The following MEGF9 variants were observed in gnomAD, a reference collection of about 807,000 sequenced individuals.
MEGF9 encodes multiple epidermal growth factor-like domains protein 9.
Under a neutral mutation model 46.8 loss-of-function variants are expected in MEGF9, and 6 were observed. The observed-to-expected ratio is 0.13, with a 90% CI of 0.07 to 0.25. MEGF9 has a LOEUF of 0.25. Ranked by LOEUF, MEGF9 falls within the 10% of genes least tolerant of loss-of-function variation. The pLI is 1.00. For synonymous variants in MEGF9, 302 were observed against 330.7 expected (o/e 0.91, Z 0.94); for missense variants, 683 against 792.4 (o/e 0.86, Z 1.66).
Position 120,605,432 on chromosome 9 carries a change from T to C in MEGF9, c.1567A>G (p.Ile523Val). ...FNIIILTVII[I>V]VVVLLMGFVG... is the part of the protein sequence containing the mutation. ...AATCCCATTAGCAGCACCACAACAA[T>C]GATGATGACTGTCAAAATGATGATG... The change falls in exon 6 of 6, where the codon ATT becomes GTT. Residue 523 changes from isoleucine (I) to valine (V), a missense_variant. Around this residue, in one of 2 missense-constraint regions of MEGF9, gnomAD observed 313 missense variants for 421.1 expected, o/e 0.74. Transcript: ENST00000373930. The surrounding 1 kb of genome is among the most constrained non-coding windows in gnomAD (Gnocchi z 4.0). 1.2e-6 allele frequency: 2 copies of C among 1,614,028 alleles called. No homozygotes were observed. The highest frequency in any genetic ancestry group is 2.7e-5 in the African/African-American group (2 of 75,054).
At chr9:120,627,288 G>T (rs182652666) in intron 2 of MEGF9, among the ~76,000 whole-genome samples, 1 of 152,058 alleles carries the variant, frequency 6.6e-6, no homozygotes, top group African/African-American at 2.4e-5. Flanking sequence ...ACTAGTTAAT[G>T]ATTTATTTCT....
intron 2 of MEGF9, among the ~76,000 whole-genome samples, chr9:120,644,030 T>C (rs2043615577): frequency 6.6e-6 from 1 of 152,236 alleles, no homozygotes; most frequent in African/African-American, 2.4e-5. Context: ...TTTAACTTCG[T>C]ATGTAATCAG....
chr9:120,691,805 A>G (rs1056595892), intron 1 of MEGF9, among the ~76,000 whole-genome samples: 3 of 152,214 alleles, frequency 2.0e-5, no homozygotes, highest in African/African-American at 7.2e-5. Context: ...GGATACTTCA[A>G]GGCTGAACAT....
rs181837188 is a variant in MEGF9, at chr9:120,663,466, T to C, written c.602-3891A>G. On this transcript the variant is annotated intron_variant, in intron 1 of 5. Transcript: ENST00000373930. ...TAATGCAGAAATAATGCAATCCCCTTAGTAAAAAGGTGGCAATATGAAAAA... is the reference window on the plus strand; with the variant it reads ...TAATGCAGAAATAATGCAATCCCCTCAGTAAAAAGGTGGCAATATGAAAAA... Among the ~76,000 whole-genome samples, 219 of 152,210 alleles carry C rather than the reference T, an allele frequency of 1.4e-3. 1 individual carries two copies. Among genetic ancestry groups the C allele is most frequent in the African/African-American group, 5.0e-3 (209 of 41,516 alleles).
chr9:120,642,398 C>T (rs1051712041), intron 2 of MEGF9, among the ~76,000 whole-genome samples: 2 of 152,168 alleles, frequency 1.3e-5, no homozygotes, highest in African/African-American at 4.8e-5. Context: ...GACTTGGAGC[C>T]GGACAGATCT....
intron 2 of MEGF9, among the ~76,000 whole-genome samples, chr9:120,653,265 CCTTCCTTATAAAGA>C (rs2043661559): frequency 6.6e-6 from 1 of 152,034 alleles, no homozygotes. Flanking sequence ...AGCTCCTAAG[CCTTCCTTATAAAGA>C]CTTCCTTTAA....
chr9:120,619,842 T>C (rs189422679), intron 3 of MEGF9, among the ~76,000 whole-genome samples: 10 of 152,316 alleles, frequency 6.6e-5, no homozygotes, highest in Admixed American at 5.2e-4. Context: ...AAAGAGTACT[T>C]TGAAAATCTA....
At chr9:120,711,844 T>TACATACACACACACACACAC (rs1483546554) in intron 1 of MEGF9, among the ~76,000 whole-genome samples, 2 of 143,472 alleles carry the variant, frequency 1.4e-5, no homozygotes, top group African/African-American at 5.2e-5. Flanking sequence ...CATACATACA[T>TACATACACACACACACACAC]ACACACACAC....
rs143560909 is a variant in MEGF9, at chr9:120,609,002, C to T, written c.1088-992G>A. On this transcript the variant is annotated intron_variant, in intron 4 of 5. Transcript: ENST00000373930. Reference sequence around the variant, plus strand: ...TGGTTCTTTTTATCACAATGCACCCCTACATTCACTTTGAACTTCAAAGTA... The same window carrying T: ...TGGTTCTTTTTATCACAATGCACCCTTACATTCACTTTGAACTTCAAAGTA... Among the ~76,000 whole-genome samples the T allele has an allele frequency of 1.1e-3, 174 of 152,260 alleles. 3 individuals are homozygous for T. The East Asian group carries it at 0.029, about 26-fold the overall frequency.
intron 1 of MEGF9, among the ~76,000 whole-genome samples, chr9:120,662,676 C>T (rs1193585662): frequency 6.6e-6 from 1 of 152,114 alleles, no homozygotes; most frequent in Non-Finnish European, 1.5e-5. Flanking sequence ...TGGAGTATTG[C>T]AATAATTAAT....
intron 5 of MEGF9, 119 bp downstream of exon 5, chr9:120,607,622 A>G (rs2132296926): frequency 9.2e-7 from 1 of 1,088,494 alleles, no homozygotes. Flanking sequence ...TTAGGCAAAT[A>G]TCTATCAAAA....
intron 3 of MEGF9, among the ~76,000 whole-genome samples, chr9:120,615,119 A>T (rs1264023334): frequency 1.3e-5 from 2 of 151,728 alleles, no homozygotes; most frequent in Non-Finnish European, 2.9e-5. Context: ...CATGCCTGTA[A>T]TCCCAGCTAC....
In MEGF9 at chr9:120,601,771, G is replaced by C. The variant is rs2043397144; in HGVS notation, c.*3419C>G. 6.6e-6 allele frequency: 1 copy of C among 152,126 alleles called. No individual in the cohort carries two copies. The highest frequency in any genetic ancestry group is 2.4e-5 in the African/African-American group (1 of 41,420). 9.4% of individuals were successfully genotyped at this position (152,126 alleles called of 1,614,324 possible). A position where few individuals can be genotyped will look rare whatever the true frequency, so the allele number is the denominator to read the frequency against. ...TTCCATTAATAAAAGAACCCTAGGG[G>C]ATAGAGGGTAGAGGGAGCGAGAGGG... On this transcript the variant is annotated 3_prime_UTR_variant, in exon 6 of 6. Transcript: ENST00000373930.
chr9:120,702,752 G>A (rs1158093940), intron 1 of MEGF9, among the ~76,000 whole-genome samples: 3 of 152,178 alleles, frequency 2.0e-5, no homozygotes, highest in African/African-American at 7.2e-5. Context: ...GGTGAGAGGT[G>A]AGAGTTGGGT....
intron 2 of MEGF9, among the ~76,000 whole-genome samples, chr9:120,634,419 C>A (rs1356148821): frequency 1.4e-5 from 2 of 138,908 alleles, no homozygotes; most frequent in African/African-American, 5.3e-5. Flanking sequence ...TTTCTGCTCA[C>A]TTTTGGTTTC....
intron 2 of MEGF9, among the ~76,000 whole-genome samples, chr9:120,626,478 T>C (rs1031990304): frequency 1.3e-5 from 2 of 152,248 alleles, no homozygotes; most frequent in African/African-American, 2.4e-5. Flanking sequence ...TGTATATAAA[T>C]AAAAACATAT....
At chr9:120,678,814 GTTC>G (rs1202657347) in intron 1 of MEGF9, among the ~76,000 whole-genome samples, 9 of 152,096 alleles carry the variant, frequency 5.9e-5, no homozygotes, top group African/African-American at 2.2e-4. Context: ...ATGTTCACTA[GTTC>G]TTCTGCTTAA....
intron 2 of MEGF9, among the ~76,000 whole-genome samples, chr9:120,654,536 C>A (rs1348278017): frequency 6.6e-6 from 1 of 152,064 alleles, no homozygotes; most frequent in East Asian, 1.9e-4. Context: ...TACTGCACTG[C>A]CAATCATATA....
At chr9:120,630,014 T>C (rs2043543707) in intron 2 of MEGF9, among the ~76,000 whole-genome samples, 2 of 152,208 alleles carry the variant, frequency 1.3e-5, no homozygotes, top group Admixed American at 1.3e-4. Context: ...TCTTTAATGG[T>C]ACAGTTCAGT....
Sources: gnomAD v4.1 joint callset for allele counts (sites outside exome capture counted in the v4.1 genomes callset) on GRCh38, gnomAD v4.1.1 for gene constraint, gnomAD v4.1.1 regional missense constraint, Gnocchi (gnomAD v3.1) non-coding constraint, MANE v1.5 for transcripts, NCBI Gene and HGNC (gene_info 2026-07-23, HGNC 2026-07-21) for gene names.